ULK2: variants seen among roughly 807,000 people sequenced by gnomAD.
ULK2 encodes the protein unc-51 like autophagy activating kinase 2.
Under a neutral mutation model 127.5 loss-of-function variants are expected in ULK2, and 76 were observed. The ratio of observed to expected loss-of-function variants is 0.60; its 90% CI spans 0.50 to 0.72. ULK2 has a LOEUF of 0.72. Ranked by LOEUF, ULK2 falls within the 30% of genes least tolerant of loss-of-function variation. The probability of loss-of-function intolerance (pLI) is 0.00; values close to 1 mark genes in which losing one functional copy is unlikely to be tolerated. For missense variants in ULK2, 1,144 were observed against 1,295.9 expected, an observed-to-expected ratio of 0.88 and a Z score of 1.80; for synonymous variants, 452 against 461.9, an observed-to-expected ratio of 0.98 and a Z score of 0.28.
At chr17:19,834,795 A>T (rs2041550325) in intron 10 of ULK2, among the ~76,000 whole-genome samples, 1 of 152,052 alleles carries the variant, frequency 6.6e-6, no homozygotes. Flanking sequence ...TTGTAATCCC[A>T]ACTATACAGA....
chr17:19,808,624 T>C (rs1007349687), intron 14 of ULK2, among the ~76,000 whole-genome samples: 1 of 152,182 alleles, frequency 6.6e-6, no homozygotes, highest in African/African-American at 2.4e-5. Context: ...AGATCTTGAC[T>C]GGACATTTCT....
intron 3 of ULK2, among the ~76,000 whole-genome samples, chr17:19,852,044 CAAA>C (rs201031615): frequency 1.4e-4 from 7 of 49,130 alleles, no homozygotes; most frequent in African/African-American, 5.0e-4. Context: ...GACTCCATCT[CAAA>C]AAAAAAAAAA....
At chr17:19,785,906 C>T in intron 21 of ULK2, 31 bp downstream of exon 21, 1 of 1,590,642 alleles carries the variant, frequency 6.3e-7, no homozygotes, top group South Asian at 1.1e-5. Context: ...AAATACTAGC[C>T]AAAGACTGTA....
intron 20 of ULK2, among the ~76,000 whole-genome samples, chr17:19,789,014 T>C (rs147433252): frequency 9.6e-4 from 146 of 152,322 alleles, no homozygotes; most frequent in South Asian, 1.7e-3. Flanking sequence ...CTGGGGTACT[T>C]GTTGCCCTGA....
chr17:19,848,260 C>T (rs2041936445), intron 5 of ULK2: 1 of 152,188 alleles, frequency 6.6e-6, no homozygotes, highest in Non-Finnish European at 1.5e-5. Flanking sequence ...CTTACCTACA[C>T]TGAGGATTTA....
At chr17:19,862,612 C>T (rs1363331762) in intron 3 of ULK2, among the ~76,000 whole-genome samples, 1 of 151,850 alleles carries the variant, frequency 6.6e-6, no homozygotes, top group Non-Finnish European at 1.5e-5. Context: ...ATTACAGGCA[C>T]CCACCACCAT....
chr17:19,845,400 G>C (rs753231666), intron 6 of ULK2, 23 bp from the exon 7 acceptor site: 2 of 1,592,508 alleles, frequency 1.3e-6, no homozygotes, highest in Admixed American at 1.7e-5. Context: ...ACAGAAAGTA[G>C]AAAAGCAAAT....
intron 15 of ULK2, among the ~76,000 whole-genome samples, chr17:19,802,421 T>G (rs1567687647): frequency 6.6e-6 from 1 of 152,168 alleles, no homozygotes; most frequent in African/African-American, 2.4e-5. Context: ...TTAATAAGCT[T>G]ATTCCATGTA....
chr17:19,844,060 A>G (rs2041826084), intron 7 of ULK2, among the ~76,000 whole-genome samples: 1 of 152,092 alleles, frequency 6.6e-6, no homozygotes, highest in Admixed American at 6.6e-5. Flanking sequence ...ATTATTCCCT[A>G]TGTTTTTTGT....
intron 12 of ULK2, among the ~76,000 whole-genome samples, chr17:19,819,081 G>A (rs2041072845): frequency 6.6e-6 from 1 of 152,090 alleles, no homozygotes; most frequent in Admixed American, 6.6e-5. Flanking sequence ...TTACAGGCAT[G>A]AGCCTATAAA....
intron 15 of ULK2, among the ~76,000 whole-genome samples, chr17:19,802,332 T>C (rs2087418069): frequency 6.6e-6 from 1 of 152,078 alleles, no homozygotes; most frequent in African/African-American, 2.4e-5. Flanking sequence ...CCCCAGAGAG[T>C]TCTGTTTATG....
chr17:19,816,820 C>T lies in ULK2; in HGVS notation c.1025G>A (p.Ser342Asn), dbSNP rs1171070797. Reference protein sequence around the residue: ...LQVSKDSASTSSKNSSCDTDD... With the variant: ...LQVSKDSASTNSKNSSCDTDD... ...CGTGTCACAAGAAGAGTTCTTGCTA[C>T]TAGTACTGGCAGAATCTTTGGAAAC... is the stretch of plus-strand genomic sequence containing the variant. Residue 342 changes from serine (S) to asparagine (N), a missense_variant, in exon 13 of 27, where the codon AGT becomes AAT. By Grantham distance (46) the Ser-to-Asn change is conservative. Transcript: ENST00000395544. The T allele has an allele frequency of 1.2e-6, 2 of 1,611,668 alleles. No individual in the cohort carries two copies. Among genetic ancestry groups the T allele is most frequent in the Admixed American group, 1.7e-5 (1 of 59,392 alleles).
intron 12 of ULK2, among the ~76,000 whole-genome samples, chr17:19,820,118 G>A (rs1434827312): frequency 2.7e-5 from 4 of 150,312 alleles, no homozygotes; most frequent in African/African-American, 7.4e-5. Flanking sequence ...GCGTGATCTC[G>A]GCTCACTGCA....
chr17:19,816,501 A>T, intron 13 of ULK2: 1 of 272,548 alleles, frequency 3.7e-6, no homozygotes, highest in Non-Finnish European at 6.8e-6. Context: ...GTTTGGATAC[A>T]AACAGAATTT....
rs2086764506 is a variant in ULK2 at position 19,773,455 on chromosome 17, C to T, written c.*2894G>A. 1 of 152,110 alleles carries T rather than the reference C, an allele frequency of 6.6e-6. No homozygotes were observed. The highest frequency in any genetic ancestry group is 6.6e-5 in the Admixed American group (1 of 15,264). 9.4% of individuals were successfully genotyped at this position (152,110 alleles called of 1,614,324 possible). ...GGGCAGAACTGCTGGGCTGGTAATT[C>T]CTCTTGGTGGAGACAAAGGAACATG... On this transcript the variant is annotated 3_prime_UTR_variant, in exon 27 of 27. Transcript: ENST00000395544.
chr17:19,789,699 C>T (rs888991085), intron 20 of ULK2, among the ~76,000 whole-genome samples: 3 of 151,828 alleles, frequency 2.0e-5, no homozygotes, highest in African/African-American at 7.3e-5. Flanking sequence ...CTAACACAGA[C>T]TGAAATAATT....
intron 3 of ULK2, among the ~76,000 whole-genome samples, chr17:19,863,496 G>GTTT (rs774471418): frequency 3.0e-5 from 4 of 131,862 alleles, no homozygotes; most frequent in Non-Finnish European, 3.3e-5. Flanking sequence ...TGTGATTCTA[G>GTTT]TTTTTTTTTT....
At chr17:19,779,309 T>A (rs1008697630) in intron 25 of ULK2, among the ~76,000 whole-genome samples, 5 of 151,772 alleles carry the variant, frequency 3.3e-5, no homozygotes, top group African/African-American at 1.2e-4. Context: ...GGTGGGTGGA[T>A]CACCTGAGGT....
intron 1 of ULK2, 146 bp from the exon 2 acceptor site, chr17:19,865,974 A>G (rs1178216078): frequency 2.4e-5 from 14 of 582,170 alleles, no homozygotes; most frequent in Non-Finnish European, 4.0e-5. Flanking sequence ...AAGTGATTTC[A>G]TAAATTATAG....
Sources: gnomAD v4.1 joint callset for allele counts (sites outside exome capture counted in the v4.1 genomes callset) on GRCh38, gnomAD v4.1.1 for gene constraint, MANE v1.5 for transcripts, NCBI Gene and HGNC (gene_info 2026-07-23, HGNC 2026-07-21) for gene names.